The following RAB28 variants were observed in gnomAD, a reference collection of about 807,000 sequenced individuals.
RAB28 encodes ras-related protein Rab-28.
A neutral mutation model predicts 31.7 loss-of-function variants in RAB28; 24 were observed. That is an observed-to-expected ratio of 0.76 (90% confidence interval 0.55 to 1.06). RAB28 has a LOEUF of 1.06. Among genes scored for constraint, RAB28 ranks in the 50% least tolerant of loss-of-function variants. The pLI, the probability that RAB28 is intolerant of heterozygous loss-of-function variation, is 0.00. For missense variants in RAB28, 254 were observed against 258.5 expected, an observed-to-expected ratio of 0.98 and a Z score of 0.12; for synonymous variants, 100 against 90.4, an observed-to-expected ratio of 1.11 and a Z score of -0.60.
chr4:13,454,090 G>T (rs1337267793), intron 4 of RAB28, among the ~76,000 whole-genome samples: 1 of 151,902 alleles, frequency 6.6e-6, no homozygotes, highest in Non-Finnish European at 1.5e-5. Context: ...TCAAGTTGCA[G>T]AATTCTTTTT....
At chr4:13,374,523 C>T (rs577478500) in intron 6 of RAB28, among the ~76,000 whole-genome samples, 1 of 152,048 alleles carries the variant, frequency 6.6e-6, no homozygotes, top group African/African-American at 2.4e-5. Context: ...CAGTGCAGCC[C>T]TCTCACCTGT....
intron 6 of RAB28, among the ~76,000 whole-genome samples, chr4:13,373,003 C>T (rs536215830): frequency 6.6e-6 from 1 of 152,146 alleles, no homozygotes; most frequent in Admixed American, 6.6e-5. Flanking sequence ...AAAACTAATA[C>T]ATACCTAGTT....
intron 3 of RAB28, among the ~76,000 whole-genome samples, chr4:13,470,677 T>G (rs894218969): frequency 6.6e-6 from 1 of 152,110 alleles, no homozygotes; most frequent in African/African-American, 2.4e-5. Flanking sequence ...CACTAAACAC[T>G]ATGTACTGTG....
chr4:13,403,498 C>T (rs76237239), intron 4 of RAB28, among the ~76,000 whole-genome samples: 1 of 152,118 alleles, frequency 6.6e-6, no homozygotes, highest in African/African-American at 2.4e-5. Flanking sequence ...TTGCCAAGTC[C>T]CCTTATATTC....
intron 4 of RAB28, among the ~76,000 whole-genome samples, chr4:13,389,783 C>T (rs1175305759): frequency 2.0e-5 from 3 of 151,904 alleles, no homozygotes; most frequent in Admixed American, 2.0e-4. Context: ...TCTACCTTCA[C>T]ATAAACAGAT....
At chr4:13,380,437 T>C (rs1729082448) in intron 5 of RAB28, among the ~76,000 whole-genome samples, 2 of 152,068 alleles carry the variant, frequency 1.3e-5, no homozygotes, top group South Asian at 2.1e-4. Flanking sequence ...AATATAAAAA[T>C]GGTCATAGAA....
intron 4 of RAB28, among the ~76,000 whole-genome samples, chr4:13,450,688 T>G (rs1157706910): frequency 6.6e-6 from 1 of 151,820 alleles, no homozygotes; most frequent in African/African-American, 2.4e-5. Context: ...AACTGAAACT[T>G]AATGGCTTGA....
intron 4 of RAB28, among the ~76,000 whole-genome samples, chr4:13,382,673 C>T (rs944193447): frequency 6.9e-6 from 1 of 145,412 alleles, no homozygotes; most frequent in Admixed American, 6.9e-5. Context: ...ATTTATATTG[C>T]TTACCTTGGA....
At chr4:13,471,119 T>C (rs1191533737) in intron 3 of RAB28, among the ~76,000 whole-genome samples, 1 of 152,124 alleles carries the variant, frequency 6.6e-6, no homozygotes, top group African/African-American at 2.4e-5. Flanking sequence ...ATTAAACTGA[T>C]ATCCTGAAAA....
intron 5 of RAB28, among the ~76,000 whole-genome samples, chr4:13,377,708 T>C (rs192547386): frequency 1.3e-5 from 2 of 152,334 alleles, no homozygotes; most frequent in East Asian, 1.9e-4. Context: ...ACATTCACTA[T>C]AGGAGACCAA....
intron 4 of RAB28, among the ~76,000 whole-genome samples, chr4:13,444,191 C>G (rs1314123352): frequency 1.3e-5 from 2 of 151,888 alleles, no homozygotes; most frequent in African/African-American, 4.8e-5. Flanking sequence ...CCATGCCCAG[C>G]TAACTTTTTG....
intron 4 of RAB28, among the ~76,000 whole-genome samples, chr4:13,422,587 C>A (rs1475715292): frequency 1.3e-5 from 2 of 152,122 alleles, no homozygotes; most frequent in Non-Finnish European, 2.9e-5. Context: ...AGGATGAGTT[C>A]ATGTCCTTTG....
chr4:13,480,529 C>T (rs896453934), intron 1 of RAB28, among the ~76,000 whole-genome samples: 1 of 151,780 alleles, frequency 6.6e-6, no homozygotes, highest in African/African-American at 2.4e-5. Flanking sequence ...TAGCTTATTA[C>T]AGTTCCTTAT....
chr4:13,443,177 TG>T (rs1714512851), intron 4 of RAB28, among the ~76,000 whole-genome samples: 1 of 151,748 alleles, frequency 6.6e-6, no homozygotes. Context: ...GTAATATAAA[TG>T]GTTTTTTTTT....
At chr4:13,480,581 C>A (rs1459107202) in intron 1 of RAB28, among the ~76,000 whole-genome samples, 1 of 151,860 alleles carries the variant, frequency 6.6e-6, no homozygotes, top group African/African-American at 2.4e-5. Flanking sequence ...TTTGGCCAAA[C>A]TTCAATTCCT....
At position 13,484,101 on chromosome 4, in the gene RAB28, A is replaced by G; in HGVS notation, c.50T>C (p.Val17Ala). The change falls in exon 1 of 7, where the codon GTG (valine) becomes GCG (alanine). Residue 17 changes from valine to alanine, a missense_variant. Coordinates refer to ENST00000330852, the MANE Select transcript of RAB28 (RefSeq NM_001017979.3). ...ESQDRQLKIV[V>A]LGDGASGKTS... Reference sequence around the variant, plus strand: ...CTTCCCGGAGGCGCCGTCCCCCAGCACGACGATTTTCAGTTGCCGGTCCTG... The same window carrying G: ...CTTCCCGGAGGCGCCGTCCCCCAGCGCGACGATTTTCAGTTGCCGGTCCTG... 1 of 1,602,366 alleles carries G rather than the reference A, an allele frequency of 6.2e-7. No homozygotes were observed. The highest frequency in any genetic ancestry group is 8.5e-7 in the Non-Finnish European group (1 of 1,174,934).
intron 4 of RAB28, among the ~76,000 whole-genome samples, chr4:13,450,650 T>C (rs1310831501): frequency 6.6e-6 from 1 of 151,848 alleles, no homozygotes; most frequent in African/African-American, 2.4e-5. Flanking sequence ...AGAAACAATA[T>C]ATCAGATGAC....
chr4:13,374,612 G>A (rs2108876339), intron 6 of RAB28, among the ~76,000 whole-genome samples: 1 of 152,202 alleles, frequency 6.6e-6, no homozygotes, highest in Middle Eastern at 3.4e-3. Flanking sequence ...CTCCAGGCAA[G>A]AAACCTCAGG....
intron 4 of RAB28, among the ~76,000 whole-genome samples, chr4:13,458,571 A>T (rs1005200770): frequency 6.6e-6 from 1 of 152,176 alleles, no homozygotes; most frequent in African/African-American, 2.4e-5. Context: ...TCTGACCTCA[A>T]ATAAGTTAGA....
Sources: gnomAD v4.1 joint callset for allele counts (sites outside exome capture counted in the v4.1 genomes callset) on GRCh38, gnomAD v4.1.1 for gene constraint, MANE v1.5 for transcripts, NCBI Gene and HGNC (gene_info 2026-07-23, HGNC 2026-07-21) for gene names.